Variants in CAMK1D observed in about 807,000 individuals in gnomAD.
The protein encoded by CAMK1D is calcium/calmodulin dependent protein kinase ID, also known as calcium/calmodulin-dependent protein kinase type 1D.
CAMK1D carries 9 observed loss-of-function variants against 47.7 expected under a neutral mutation model. That is an observed-to-expected ratio of 0.19 (90% CI 0.11 to 0.33). CAMK1D has a LOEUF of 0.33. CAMK1D is among the 10% of genes least tolerant of loss of function. CAMK1D has a pLI of 1.00. For synonymous variants in CAMK1D, 184 were observed against 184.9 expected, an observed-to-expected ratio of 0.99 and a Z score of 0.04; for missense variants, 291 against 488.7, an observed-to-expected ratio of 0.60 and a Z score of 3.81.
At chr10:12,382,570 AT>A (rs1181993108) in intron 1 of CAMK1D, among the ~76,000 whole-genome samples, 1 of 152,170 alleles carries the variant, frequency 6.6e-6, no homozygotes, top group African/African-American at 2.4e-5. Flanking sequence ...CACACCTGTA[AT>A]CTCAGCACTT....
At chr10:12,750,716 T>A (rs1835904133) in intron 3 of CAMK1D, among the ~76,000 whole-genome samples, 1 of 151,002 alleles carries the variant, frequency 6.6e-6, no homozygotes, top group African/African-American at 2.5e-5. Flanking sequence ...ATGAATGAAG[T>A]AGAAGTTGAG....
Position 12,816,287 on chromosome 10 carries a change from G to T in CAMK1D, c.792G>T (p.Pro264=). The T allele has an allele frequency of 1.2e-6, 2 of 1,613,726 alleles. No homozygotes were observed. The highest frequency in any genetic ancestry group is 1.7e-6 in the Non-Finnish European group (2 of 1,179,816). Residue 264 remains proline (P), a synonymous_variant, in exon 8 of 11, where the codon CCG becomes CCT. Coordinates refer to ENST00000619168, the MANE Select transcript of CAMK1D (RefSeq NM_153498.4). Reference sequence around the variant, plus strand: ...TTCGGAACCTGATGGAGAAGGACCCGAATAAAAGATACACGTGTGAGCAGG... The same window carrying T: ...TTCGGAACCTGATGGAGAAGGACCCTAATAAAAGATACACGTGTGAGCAGG... ...DFIRNLMEKD[P]NKRYTCEQAA...
intron 6 of CAMK1D, among the ~76,000 whole-genome samples, chr10:12,810,114 A>G (rs1832538220): frequency 7.3e-6 from 1 of 136,874 alleles, no homozygotes; most frequent in Non-Finnish European, 1.5e-5. Flanking sequence ...GCACCTCTGC[A>G]TTCCAGTCTG....
intron 1 of CAMK1D, among the ~76,000 whole-genome samples, chr10:12,512,171 G>C (rs1046942472): frequency 3.9e-5 from 6 of 152,168 alleles, no homozygotes; most frequent in African/African-American, 7.2e-5. Context: ...TTTAGCATGA[G>C]AGCACAAATA....
intron 3 of CAMK1D, among the ~76,000 whole-genome samples, chr10:12,703,550 A>G (rs916754965): frequency 7.9e-5 from 12 of 152,156 alleles, no homozygotes; most frequent in Admixed American, 3.3e-4. Flanking sequence ...AGCACCTTTC[A>G]TATGTCGCCC....
intron 1 of CAMK1D, among the ~76,000 whole-genome samples, chr10:12,473,657 C>A (rs1213096678): frequency 3.3e-5 from 5 of 151,998 alleles, no homozygotes. Context: ...GCTGCAAGCC[C>A]GGGGAGTCTA....
chr10:12,748,356 G>T (rs1226488236), intron 3 of CAMK1D, among the ~76,000 whole-genome samples: 1 of 152,190 alleles, frequency 6.6e-6, no homozygotes, highest in South Asian at 2.1e-4. Flanking sequence ...AACTCATGCG[G>T]TTGCAGGCAT....
chr10:12,781,528 G>C (rs1837491683), intron 5 of CAMK1D, among the ~76,000 whole-genome samples: 1 of 143,464 alleles, frequency 7.0e-6, no homozygotes, highest in Non-Finnish European at 1.5e-5. Context: ...TTAAACAGCA[G>C]TCCCAGCTCA....
At chr10:12,808,940 A>G (rs1832485000) in intron 6 of CAMK1D, among the ~76,000 whole-genome samples, 1 of 152,038 alleles carries the variant, frequency 6.6e-6, no homozygotes, top group South Asian at 2.1e-4. Context: ...AACATGGTGA[A>G]ACCCCATCTC....
chr10:12,549,540 C>T (rs1836510980), intron 1 of CAMK1D, among the ~76,000 whole-genome samples: 1 of 152,232 alleles, frequency 6.6e-6, no homozygotes, highest in Admixed American at 6.5e-5. Flanking sequence ...TCAGTCCCTG[C>T]TTTCACTTCT....
intron 1 of CAMK1D, among the ~76,000 whole-genome samples, chr10:12,381,051 A>T (rs1838326482): frequency 6.6e-6 from 1 of 152,224 alleles, no homozygotes; most frequent in Non-Finnish European, 1.5e-5. Context: ...TGACTCTTCC[A>T]TTTTGATTTA....
At chr10:12,468,505 G>A (rs1207131831) in intron 1 of CAMK1D, among the ~76,000 whole-genome samples, 1 of 152,216 alleles carries the variant, frequency 6.6e-6, no homozygotes, top group African/African-American at 2.4e-5. Flanking sequence ...AGGTGCAGAG[G>A]AGAGGTGAGT....
At chr10:12,369,850 G>C (rs1055072672) in intron 1 of CAMK1D, among the ~76,000 whole-genome samples, 1 of 151,594 alleles carries the variant, frequency 6.6e-6, no homozygotes, top group African/African-American at 2.4e-5. Context: ...CAGCTACTCG[G>C]GAGGCTGAGG....
intron 3 of CAMK1D, among the ~76,000 whole-genome samples, chr10:12,734,441 CACATATGTGTATATATACACAT>C (rs1175475692): frequency 0.048 from 2,180 of 45,094 alleles, 399 homozygotes; most frequent in South Asian, 0.14. Flanking sequence ...TATACACACA[CACATATGTGTATATATACACAT>C]ACACATATGT....
intron 3 of CAMK1D, among the ~76,000 whole-genome samples, chr10:12,676,509 T>C (rs1840814681): frequency 6.6e-6 from 1 of 152,240 alleles, no homozygotes; most frequent in African/African-American, 2.4e-5. Context: ...GCTAGGCGCT[T>C]AACAAATGCT....
chr10:12,728,212 T>C (rs1834742248), intron 3 of CAMK1D, among the ~76,000 whole-genome samples: 1 of 152,228 alleles, frequency 6.6e-6, no homozygotes, highest in South Asian at 2.1e-4. Flanking sequence ...CCCTTCTTAG[T>C]AAATGTAGCA....
intron 6 of CAMK1D, among the ~76,000 whole-genome samples, chr10:12,797,139 A>G (rs1290476894): frequency 6.6e-6 from 1 of 151,616 alleles, no homozygotes; most frequent in Non-Finnish European, 1.5e-5. Flanking sequence ...TCTCCATAGA[A>G]GGATGATTCC....
intron 6 of CAMK1D, among the ~76,000 whole-genome samples, chr10:12,792,960 G>GCA (rs57459634): frequency 0.024 from 1,674 of 68,334 alleles, 21 homozygotes; most frequent in African/African-American, 0.068. Context: ...ATGTGTGCGC[G>GCA]CACACACACA....
At chr10:12,803,335 A>G (rs1268761423) in intron 6 of CAMK1D, among the ~76,000 whole-genome samples, 2 of 152,172 alleles carry the variant, frequency 1.3e-5, no homozygotes, top group African/African-American at 2.4e-5. Context: ...GGTCTGTCTT[A>G]CTCACTGCTC....
Sources: gnomAD v4.1 joint callset for allele counts (sites outside exome capture counted in the v4.1 genomes callset) on GRCh38, gnomAD v4.1.1 for gene constraint, MANE v1.5 for transcripts, NCBI Gene and HGNC (gene_info 2026-07-23, HGNC 2026-07-21) for gene names.